HOMER2: variants seen among roughly 807,000 people sequenced by gnomAD.
HOMER2 encodes homer protein homolog 2.
A neutral mutation model predicts 47.0 loss-of-function variants in HOMER2; 27 were observed. The observed-to-expected ratio is 0.57, with a 90% CI of 0.42 to 0.79. The LOEUF (loss-of-function observed/expected upper bound fraction) is 0.79. Ranked by LOEUF, HOMER2 falls within the 30% of genes least tolerant of loss-of-function variation. HOMER2 has a pLI of 0.00. For missense variants in HOMER2, 443 were observed against 435.0 expected (o/e 1.02, Z -0.16); for synonymous variants, 161 against 163.8 (o/e 0.98, Z 0.13).
intron 3 of HOMER2, among the ~76,000 whole-genome samples, chr15:82,866,075 C>T (rs1453551381): frequency 1.3e-5 from 2 of 152,154 alleles, no homozygotes; most frequent in Admixed American, 6.5e-5. Context: ...CAGTTTGCAC[C>T]GTGTGCCTGG....
intron 4 of HOMER2, among the ~76,000 whole-genome samples, chr15:82,862,122 C>T (rs1283360469): frequency 3.3e-5 from 5 of 151,032 alleles, no homozygotes; most frequent in African/African-American, 4.9e-5. Flanking sequence ...AGGCTGGTCT[C>T]GAACTCATGA....
At chr15:82,903,869 G>A (rs1219438229) in intron 1 of HOMER2, among the ~76,000 whole-genome samples, 1 of 152,128 alleles carries the variant, frequency 6.6e-6, no homozygotes. Flanking sequence ...GGGCATGGTG[G>A]CTCATGCCTG....
At position 82,900,831 on chromosome 15, in the gene HOMER2, A is replaced by G. The variant is rs191573095; in HGVS notation, c.6-7990T>C. ...ACAGCTGCCCCATTCTATTAAAGTTATTTTCTTCCTGCCCCCAAACTGCCC... is the reference window on the plus strand; with the variant it reads ...ACAGCTGCCCCATTCTATTAAAGTTGTTTTCTTCCTGCCCCCAAACTGCCC... On this transcript the variant is annotated intron_variant, in intron 1 of 8. Transcript: ENST00000450735. Among the ~76,000 whole-genome samples the G allele has an allele frequency of 0.011, 1,739 of 152,188 alleles. 133 individuals are homozygous for G. The South Asian group carries it at 0.23, about 20-fold the overall frequency.
chr15:82,863,466 C>G (rs1411390268), intron 4 of HOMER2, among the ~76,000 whole-genome samples: 2 of 152,310 alleles, frequency 1.3e-5, no homozygotes, highest in East Asian at 3.9e-4. Context: ...GACAGCACAC[C>G]TCAGCTGCCA....
exon 2 of HOMER2, chr15:82,842,247 C>T (rs1468877703): frequency 6.6e-6 from 1 of 151,488 alleles, no homozygotes; most frequent in African/African-American, 2.4e-5. Flanking sequence ...AAATTTTACT[C>T]AATCCAATTT....
At chr15:82,848,710 C>A (rs1405320182), downstream of HOMER2, among the ~76,000 whole-genome samples, 3 of 152,232 alleles carry the variant, frequency 2.0e-5, no homozygotes, top group Non-Finnish European at 4.4e-5. Flanking sequence ...CCTGGAATCC[C>A]TGGGTCACCA....
intron 1 of HOMER2, among the ~76,000 whole-genome samples, chr15:82,985,076 T>C (rs2151267116): frequency 6.6e-6 from 1 of 152,264 alleles, no homozygotes; most frequent in Non-Finnish European, 1.5e-5. Flanking sequence ...AATTTCAACA[T>C]TTGGAGATGA....
At position 82,949,855 on chromosome 15, in the gene HOMER2, G is replaced by A. The variant is rs141920326; in HGVS notation, c.5+2676C>T. Among the ~76,000 whole-genome samples, 12 of 152,292 alleles carry A rather than the reference G, an allele frequency of 7.9e-5. No individual in the cohort carries two copies. In the East Asian group the frequency reaches 9.6e-4, roughly 12 times the overall value. Reference sequence around the variant, plus strand: ...AACCACATGTGCTGGTGGCTGCCACGCAGATACAGAACATTTCCAGCAGTG... The same window carrying A: ...AACCACATGTGCTGGTGGCTGCCACACAGATACAGAACATTTCCAGCAGTG... On this transcript the variant is annotated intron_variant, in intron 1 of 8. Transcript: ENST00000450735.
At chr15:82,868,165 A>G (rs55953293) in intron 3 of HOMER2, among the ~76,000 whole-genome samples, 5,195 of 152,036 alleles carry the variant, frequency 0.034, 273 homozygotes, top group African/African-American at 0.12. Context: ...TCCTTTGCCC[A>G]CTTTTTAATG....
At chr15:82,902,268 G>C (rs2053146509) in intron 1 of HOMER2, among the ~76,000 whole-genome samples, 1 of 148,266 alleles carries the variant, frequency 6.7e-6, no homozygotes, top group African/African-American at 2.5e-5. Flanking sequence ...TGCAATCTCG[G>C]CTCACTGCAA....
intron 2 of HOMER2, among the ~76,000 whole-genome samples, chr15:82,881,410 C>G (rs1268675979): frequency 6.6e-6 from 1 of 152,166 alleles, no homozygotes; most frequent in Non-Finnish European, 1.5e-5. Flanking sequence ...TTGGATGAAC[C>G]TGGGAGTTTT....
chr15:82,835,468 C>T (rs909204143), downstream of HOMER2: 3 of 152,348 alleles, frequency 2.0e-5, no homozygotes, highest in Non-Finnish European at 4.4e-5. Flanking sequence ...TGAGGGGCCT[C>T]AGTTGGCACA....
At chr15:82,945,765 TC>T (rs1567070129) in intron 1 of HOMER2, among the ~76,000 whole-genome samples, 24 of 151,700 alleles carry the variant, frequency 1.6e-4, no homozygotes, top group South Asian at 2.1e-4. Flanking sequence ...GGTCAGGAGA[TC>T]GAGACCATCC....
downstream of HOMER2, among the ~76,000 whole-genome samples, chr15:82,847,904 C>T (rs1418683580): frequency 6.6e-6 from 1 of 152,154 alleles, no homozygotes; most frequent in African/African-American, 2.4e-5. Context: ...GGAGCTGCTA[C>T]CAACTGTCCT....
chr15:82,849,285 GC>G lies in HOMER2; in HGVS notation c.*429del. On this transcript the variant is annotated 3_prime_UTR_variant, in exon 9 of 9. Transcript: ENST00000450735. ...CAGAGAGGAATGTTGTTCTCTCTGT[GC>G]CCCCCGGGGCTGGTGTCTGGTGGAC... is the stretch of plus-strand genomic sequence containing the variant. 1 of 155,856 alleles carries G rather than the reference GC, an allele frequency of 6.4e-6. No homozygotes were observed. The highest frequency in any genetic ancestry group is 1.4e-5 in the Non-Finnish European group (1 of 70,514). 9.7% of individuals were successfully genotyped at this position (155,856 alleles called of 1,614,324 possible).
rs1324174971 is a variant in HOMER2, at chr15:82,897,070, T to TTTTTTC, written c.6-4230_6-4229insGAAAAA. Reference sequence around the variant, plus strand: ...TCTGAAATTTGATGTCATTTCTTTTTTTTTTTTTTTTTTTTAGATGAAGTC... The same window carrying TTTTTTC: ...TCTGAAATTTGATGTCATTTCTTTTTTTTTTCTTTTTTTTTTTTTTTAGATGAAGTC... On this transcript the variant is annotated intron_variant, in intron 1 of 8. Transcript: ENST00000450735. 2.3e-5 allele frequency among the ~76,000 whole-genome samples: 3 copies of TTTTTTC among 129,434 alleles called. 1 individual carries two copies. The highest frequency in any genetic ancestry group is 4.5e-4 in the South Asian group (2 of 4,494). 84.9% of individuals were successfully genotyped at this position (129,434 alleles called of 152,430 possible).
intron 1 of HOMER2, among the ~76,000 whole-genome samples, chr15:82,968,400 C>T (rs1486455545): frequency 6.6e-6 from 1 of 152,224 alleles, no homozygotes; most frequent in Non-Finnish European, 1.5e-5. Flanking sequence ...ATTTCAAATA[C>T]ATTCAACACA....
rs146853708 is a variant in HOMER2, at chr15:82,877,637, T to A, written c.163-2233A>T. On this transcript the variant is annotated intron_variant, in intron 2 of 8. Transcript: ENST00000450735. ...ACGATGAAGGAAACATTACTGCCCC[T>A]CTTCTTTTCCCCATCTATGAAGTAC... is the stretch of plus-strand genomic sequence containing the variant. Among the ~76,000 whole-genome samples, 281 of 152,312 alleles carry A rather than the reference T, an allele frequency of 1.8e-3. 3 individuals are homozygous for A. Among genetic ancestry groups the A allele is most frequent in the Admixed American group, 0.012 (191 of 15,286 alleles).
At chr15:82,904,648 T>C (rs1443719669) in intron 1 of HOMER2, among the ~76,000 whole-genome samples, 1 of 152,124 alleles carries the variant, frequency 6.6e-6, no homozygotes, top group Non-Finnish European at 1.5e-5. Context: ...AATACCCAAC[T>C]CCAGCCCCCT....
Sources: allele counts gnomAD v4.1 joint callset (sites outside exome capture counted in the v4.1 genomes callset), GRCh38; gene constraint gnomAD v4.1.1; transcripts MANE v1.5; gene names NCBI Gene and HGNC (gene_info 2026-07-23, HGNC 2026-07-21).